The following AIG1 variants were observed in gnomAD, a reference collection of about 807,000 sequenced individuals.
AIG1 encodes androgen induced 1.
A neutral mutation model predicts 31.4 loss-of-function variants in AIG1; 23 were observed. That is an observed-to-expected ratio of 0.73 (90% CI 0.53 to 1.04). AIG1 has a LOEUF of 1.04. Ranked by LOEUF, AIG1 falls within the 50% of genes least tolerant of loss-of-function variation. AIG1 has a pLI of 0.00. For missense variants in AIG1, 274 were observed against 295.0 expected (o/e 0.93, Z 0.52); for synonymous variants, 100 against 110.5 (o/e 0.90, Z 0.60).
chr6:143,089,299 T>G (rs899102140), intron 1 of AIG1, among the ~76,000 whole-genome samples: 1 of 152,148 alleles, frequency 6.6e-6, no homozygotes, highest in African/African-American at 2.4e-5. Context: ...TATTAATACC[T>G]ATGATATGAG....
chr6:143,103,638 G>C (rs1291203523), intron 1 of AIG1, among the ~76,000 whole-genome samples: 3 of 149,416 alleles, frequency 2.0e-5, no homozygotes, highest in Non-Finnish European at 4.5e-5. Flanking sequence ...CTCCCGAGTA[G>C]CTGGGACTAC....
chr6:143,239,711 G>A (rs1583595600), intron 3 of AIG1, among the ~76,000 whole-genome samples: 1 of 152,272 alleles, frequency 6.6e-6, no homozygotes, highest in African/African-American at 2.4e-5. Context: ...CACAAGACCT[G>A]ACCCATGGCC....
intron 1 of AIG1, among the ~76,000 whole-genome samples, chr6:143,126,955 C>T (rs1216221092): frequency 2.6e-5 from 4 of 151,930 alleles, no homozygotes; most frequent in Non-Finnish European, 5.9e-5. Context: ...ACTATATATT[C>T]GGTACTATAT....
intron 4 of AIG1, among the ~76,000 whole-genome samples, chr6:143,321,963 G>A (rs536613902): frequency 7.2e-5 from 11 of 152,188 alleles, no homozygotes; most frequent in South Asian, 2.1e-4. Context: ...CCTTCTAGGC[G>A]CCAATACGTA....
At chr6:143,230,533 ATAT>A (rs1294934225) in intron 3 of AIG1, among the ~76,000 whole-genome samples, 1 of 149,926 alleles carries the variant, frequency 6.7e-6, no homozygotes, top group Admixed American at 6.7e-5. Context: ...TATAATAATC[ATAT>A]TAGTATAATC....
At chr6:143,236,385 G>A (rs1000446804) in intron 3 of AIG1, among the ~76,000 whole-genome samples, 2 of 152,246 alleles carry the variant, frequency 1.3e-5, no homozygotes, top group Admixed American at 1.3e-4. Context: ...CTGGAGTCAG[G>A]AGTTTTCAAA....
chr6:143,217,058 C>T (rs1051899568), intron 3 of AIG1, among the ~76,000 whole-genome samples: 5 of 152,200 alleles, frequency 3.3e-5, no homozygotes, highest in African/African-American at 1.2e-4. Flanking sequence ...TTGACATATT[C>T]AATTGAGAAG....
intron 2 of AIG1, among the ~76,000 whole-genome samples, chr6:143,150,071 C>T (rs1383742849): frequency 6.6e-6 from 1 of 152,124 alleles, no homozygotes; most frequent in Non-Finnish European, 1.5e-5. Flanking sequence ...AAAAGAATTC[C>T]CAAAACTCTG....
At chr6:143,221,858 A>T (rs748740628) in intron 3 of AIG1, among the ~76,000 whole-genome samples, 7 of 152,142 alleles carry the variant, frequency 4.6e-5, no homozygotes, top group Non-Finnish European at 1.0e-4. Context: ...TGCTGAACAG[A>T]TCAGTATTTT....
intron 2 of AIG1, among the ~76,000 whole-genome samples, chr6:143,151,828 G>A (rs780786213): frequency 2.0e-5 from 3 of 152,212 alleles, no homozygotes; most frequent in Non-Finnish European, 4.4e-5. Context: ...CGAATTCTGG[G>A]TGAACTTGAA....
chr6:143,277,313 A>C (rs577783016), intron 3 of AIG1, among the ~76,000 whole-genome samples: 1 of 152,182 alleles, frequency 6.6e-6, no homozygotes, highest in Admixed American at 6.5e-5. Context: ...TTTTCATACT[A>C]TTCTTATTTA....
chr6:143,126,347 G>C (rs1188956951), intron 1 of AIG1: 1 of 152,226 alleles, frequency 6.6e-6, no homozygotes, highest in Non-Finnish European at 1.5e-5. Flanking sequence ...TTGCTACCGG[G>C]TGTTCAGATG....
At chr6:143,286,605 C>T (rs1797694961) in intron 4 of AIG1, among the ~76,000 whole-genome samples, 1 of 152,148 alleles carries the variant, frequency 6.6e-6, no homozygotes, top group Admixed American at 6.5e-5. Flanking sequence ...ACCCGTGACA[C>T]AACAGCCAAA....
chr6:143,187,684 A>G, intron 3 of AIG1: 2 of 1,536,106 alleles, frequency 1.3e-6, no homozygotes, highest in African/African-American at 1.4e-5. Context: ...TCTGACTTTG[A>G]AGCAGGCTGC....
At chr6:143,180,893 A>T (rs570046298) in intron 3 of AIG1, among the ~76,000 whole-genome samples, 1 of 152,318 alleles carries the variant, frequency 6.6e-6, no homozygotes, top group East Asian at 1.9e-4. Context: ...TCTCTTCAAT[A>T]TTATTTTGAC....
intron 3 of AIG1, among the ~76,000 whole-genome samples, chr6:143,194,750 A>C (rs187450394): frequency 6.6e-6 from 1 of 152,300 alleles, no homozygotes; most frequent in African/African-American, 2.4e-5. Context: ...ACGTCACGGC[A>C]GGTGGCCCCC....
At chr6:143,105,995 A>G (rs532574151) in intron 1 of AIG1, among the ~76,000 whole-genome samples, 1 of 152,296 alleles carries the variant, frequency 6.6e-6, no homozygotes, top group East Asian at 1.9e-4. Context: ...CTGAATTGTT[A>G]AAGATTGAAT....
intron 1 of AIG1, among the ~76,000 whole-genome samples, chr6:143,110,133 A>G (rs1343583483): frequency 6.6e-6 from 1 of 152,028 alleles, no homozygotes; most frequent in Non-Finnish European, 1.5e-5. Context: ...ATAGCAGTTG[A>G]CCGTTTATGT....
chr6:143,072,826 C>G (rs1777413670), intron 1 of AIG1, among the ~76,000 whole-genome samples: 1 of 152,144 alleles, frequency 6.6e-6, no homozygotes, highest in Non-Finnish European at 1.5e-5. Context: ...TGTATTGAGG[C>G]AAATTAGCAT....
Sources: gnomAD v4.1 joint callset for allele counts (sites outside exome capture counted in the v4.1 genomes callset) on GRCh38, gnomAD v4.1.1 for gene constraint, MANE v1.5 for transcripts, NCBI Gene and HGNC (gene_info 2026-07-23, HGNC 2026-07-21) for gene names.